Variants in CNTN4 observed in about 807,000 individuals in gnomAD.
CNTN4 encodes the protein contactin 4, also known as contactin-4.
Under a neutral mutation model 122.5 loss-of-function variants are expected in CNTN4, and 77 were observed. The observed-to-expected ratio is 0.63, with a 90% CI of 0.52 to 0.76. The LOEUF is 0.76. CNTN4 is among the 30% of genes least tolerant of loss of function. The pLI is 0.00. For missense variants in CNTN4, 1,256 were observed against 1,259.1 expected (o/e 1.00, Z 0.04); for synonymous variants, 512 against 447.0 (o/e 1.15, Z -1.83).
chr3:3,040,715 G>C (rs774209902), intron 20 of CNTN4, among the ~76,000 whole-genome samples: 1 of 152,158 alleles, frequency 6.6e-6, no homozygotes, highest in Admixed American at 6.5e-5. Flanking sequence ...ATCACCTGAG[G>C]TTGGGAGTTC....
intron 13 of CNTN4, among the ~76,000 whole-genome samples, chr3:2,983,703 A>G (rs543341197): frequency 1.3e-4 from 20 of 152,326 alleles, no homozygotes; most frequent in Admixed American, 1.2e-3. Context: ...AAGTCACACA[A>G]CTTCTAAGTA....
intron 2 of CNTN4, among the ~76,000 whole-genome samples, chr3:2,228,483 C>A (rs896652760): frequency 1.3e-5 from 2 of 152,026 alleles, no homozygotes; most frequent in African/African-American, 2.4e-5. Flanking sequence ...AAGTATATAT[C>A]ATCTGGCCCT....
rs146358998 is a variant in CNTN4, at chr3:2,943,283, G to T, written c.1358+17504G>T. Among the ~76,000 whole-genome samples, 173 of 152,220 alleles carry T rather than the reference G, an allele frequency of 1.1e-3. 1 individual carries two copies. The highest frequency in any genetic ancestry group is 4.0e-3 in the African/African-American group (165 of 41,552). The stretch of plus-strand genomic sequence containing the variant: ...TTTTTCCTGATGTATTTTTCCACAG[G>T]CTGTTAGACCTAAAACTGAATAGCT... On this transcript the variant is annotated intron_variant, in intron 13 of 24. Coordinates refer to ENST00000418658, the MANE Select transcript of CNTN4 (RefSeq NM_175607.3).
chr3:2,224,284 C>G (rs1204715838), intron 2 of CNTN4, among the ~76,000 whole-genome samples: 1 of 152,126 alleles, frequency 6.6e-6, no homozygotes, highest in Non-Finnish European at 1.5e-5. Flanking sequence ...GCAGAGCATA[C>G]CTATGTGACC....
At chr3:2,778,738 G>A (rs1037789533) in intron 6 of CNTN4, among the ~76,000 whole-genome samples, 2 of 152,116 alleles carry the variant, frequency 1.3e-5, no homozygotes, top group East Asian at 3.9e-4. Context: ...AGCATAATGG[G>A]GGAGAGAGGG....
At chr3:2,967,970 G>C (rs1692497966) in intron 13 of CNTN4, among the ~76,000 whole-genome samples, 2 of 151,558 alleles carry the variant, frequency 1.3e-5, no homozygotes, top group Non-Finnish European at 2.9e-5. Context: ...TGGGTCATCT[G>C]TCTATGAACC....
intron 2 of CNTN4, among the ~76,000 whole-genome samples, chr3:2,190,806 G>GCACACACACACA (rs34364522): frequency 1.4e-5 from 2 of 147,614 alleles, no homozygotes; most frequent in Admixed American, 6.8e-5. Flanking sequence ...AGGACTTTAT[G>GCACACACACACA]CACACACACA....
chr3:2,107,986 A>G (rs1476119603), intron 2 of CNTN4, among the ~76,000 whole-genome samples: 3 of 152,120 alleles, frequency 2.0e-5, no homozygotes, highest in African/African-American at 7.2e-5. Context: ...GAGTTATGGA[A>G]GGGAAATGGA....
At chr3:2,993,926 G>A (rs890046735) in intron 14 of CNTN4, among the ~76,000 whole-genome samples, 1 of 152,146 alleles carries the variant, frequency 6.6e-6, no homozygotes, top group African/African-American at 2.4e-5. Context: ...TTTAGAACTT[G>A]GATACGAGTT....
intron 3 of CNTN4, among the ~76,000 whole-genome samples, chr3:2,557,647 T>G (rs1052621875): frequency 3.6e-4 from 54 of 151,312 alleles, no homozygotes; most frequent in Admixed American, 1.1e-3. Context: ...GAGAATGGCG[T>G]GAACCTGGGA....
intron 15 of CNTN4, among the ~76,000 whole-genome samples, chr3:3,028,200 T>C (rs1394613601): frequency 6.6e-6 from 1 of 152,170 alleles, no homozygotes; most frequent in Admixed American, 6.5e-5. Flanking sequence ...ATTATTTCAT[T>C]GTCCTCTGAT....
At chr3:3,006,114 G>A (rs1696609382) in intron 14 of CNTN4, among the ~76,000 whole-genome samples, 1 of 151,924 alleles carries the variant, frequency 6.6e-6, no homozygotes, top group African/African-American at 2.4e-5. Context: ...CTGACCTTGT[G>A]ATCCGCCCGC....
chr3:2,359,306 C>T (rs757135409), intron 3 of CNTN4, among the ~76,000 whole-genome samples: 25 of 151,694 alleles, frequency 1.6e-4, no homozygotes, highest in Non-Finnish European at 2.1e-4. Flanking sequence ...ATTATTACAA[C>T]GTATAATGTA....
At position 2,187,646 on chromosome 3, in the gene CNTN4, C is replaced by T. The variant is rs9968169; in HGVS notation, c.-145+87007C>T. Among the ~76,000 whole-genome samples the T allele has an allele frequency of 8.4e-3, 1,273 of 152,222 alleles. 14 individuals carry two copies. Among genetic ancestry groups the T allele is most frequent in the African/African-American group, 0.029 (1,207 of 41,518 alleles). ...GTCTTAGTTGTAGTGTGTGTGAGGA[C>T]ACAATATCGACTACATGCAGAGATG... On this transcript the variant is annotated intron_variant, in intron 2 of 24. Coordinates refer to ENST00000418658, the MANE Select transcript of CNTN4 (RefSeq NM_175607.3).
chr3:2,968,941 A>T (rs1692602830), intron 13 of CNTN4, among the ~76,000 whole-genome samples: 1 of 152,100 alleles, frequency 6.6e-6, no homozygotes, highest in Admixed American at 6.5e-5. Context: ...TCCAACCCAA[A>T]CTGGCTTATG....
chr3:2,425,021 G>T (rs1315440595), intron 3 of CNTN4, among the ~76,000 whole-genome samples: 3 of 152,252 alleles, frequency 2.0e-5, no homozygotes, highest in African/African-American at 7.2e-5. Context: ...TCTGTAGGTT[G>T]CCTGTTCACT....
intron 13 of CNTN4, among the ~76,000 whole-genome samples, chr3:2,929,013 T>C (rs373613776): frequency 3.3e-4 from 50 of 152,354 alleles, no homozygotes; most frequent in Admixed American, 4.6e-4. Flanking sequence ...ATATTCACAC[T>C]AGCCTTATCT....
At chr3:2,617,607 C>T (rs1196626115) in intron 4 of CNTN4, among the ~76,000 whole-genome samples, 4 of 151,796 alleles carry the variant, frequency 2.6e-5, no homozygotes, top group Non-Finnish European at 4.4e-5. Flanking sequence ...ACTTTTAGTA[C>T]AGACGGAGTT....
chr3:2,791,579 A>G (rs2149976846), intron 6 of CNTN4, among the ~76,000 whole-genome samples: 1 of 152,270 alleles, frequency 6.6e-6, no homozygotes, highest in South Asian at 2.1e-4. Context: ...AAACATAGTA[A>G]GAGTTCACCC....
Sources: allele counts gnomAD v4.1 joint callset (sites outside exome capture counted in the v4.1 genomes callset), GRCh38; gene constraint gnomAD v4.1.1; transcripts MANE v1.5; gene names NCBI Gene and HGNC (gene_info 2026-07-23, HGNC 2026-07-21).